The following RNASEH1 variants were observed in gnomAD, a reference collection of about 807,000 sequenced individuals.
The protein encoded by RNASEH1 is ribonuclease H type II.
A neutral mutation model predicts 34.6 loss-of-function variants in RNASEH1; 27 were observed. The observed-to-expected ratio is 0.78, with a 90% confidence interval of 0.58 to 1.08. RNASEH1 has a LOEUF of 1.08. Ranked by LOEUF, RNASEH1 falls within the 50% of genes least tolerant of loss-of-function variation. RNASEH1 has a pLI of 0.00. For missense variants in RNASEH1, 349 were observed against 373.6 expected (o/e 0.93, Z 0.54); for synonymous variants, 162 against 138.4 (o/e 1.17, Z -1.20).
intron 4 of RNASEH1, among the ~76,000 whole-genome samples, chr2:3,549,849 G>A (rs1262983528): frequency 6.6e-6 from 1 of 151,946 alleles, no homozygotes; most frequent in East Asian, 1.9e-4. Flanking sequence ...GGGAGGGTGA[G>A]GAAGGAGAAT....
intron 4 of RNASEH1, 52 bp from the exon 5 acceptor site, chr2:3,549,164 G>C (rs746560686): frequency 1.5e-6 from 2 of 1,334,288 alleles, no homozygotes; most frequent in Non-Finnish European, 2.2e-6. Flanking sequence ...AATTCTCAAA[G>C]TGATTCTTCT....
chr2:3,533,365 T>C, the RNASEH1 span: 1 of 152,326 alleles, frequency 6.6e-6, no homozygotes, highest in Non-Finnish European at 1.5e-5. Context: ...CCTGCAGCAC[T>C]GGCTGATTTC....
chr2:3,534,477 AAC>A, the RNASEH1 span, among the ~76,000 whole-genome samples: 9 of 152,226 alleles, frequency 5.9e-5, no homozygotes, highest in Non-Finnish European at 1.3e-4. Context: ...AGGTGGTGGG[AAC>A]GGTTGAGCTG....
intron 7 of RNASEH1, among the ~76,000 whole-genome samples, chr2:3,546,195 T>C (rs769824819): frequency 2.0e-5 from 3 of 152,230 alleles, no homozygotes; most frequent in Non-Finnish European, 2.9e-5. Context: ...TGGACGGATA[T>C]GTATGCAACA....
intron 3 of RNASEH1, among the ~76,000 whole-genome samples, chr2:3,550,763 T>C (rs1224004458): frequency 6.6e-5 from 10 of 152,178 alleles, no homozygotes; most frequent in Non-Finnish European, 1.3e-4. Context: ...CATCCCACAC[T>C]GTGGGTTCAG....
At chr2:3,540,240 T>C (rs1314839666), downstream of RNASEH1, among the ~76,000 whole-genome samples, 1 of 152,156 alleles carries the variant, frequency 6.6e-6, no homozygotes, top group African/African-American at 2.4e-5. Context: ...TTATATATCA[T>C]TGTTAAGTTT....
chr2:3,541,172 C>CA (rs1181755341), downstream of RNASEH1, among the ~76,000 whole-genome samples: 1 of 151,752 alleles, frequency 6.6e-6, no homozygotes, highest in African/African-American at 2.4e-5. Context: ...ACTAAAAATA[C>CA]AAAAAAATTA....
the RNASEH1 span, among the ~76,000 whole-genome samples, chr2:3,535,735 G>A: frequency 6.6e-6 from 1 of 152,198 alleles, no homozygotes; most frequent in Non-Finnish European, 1.5e-5. Context: ...GAGCACAGCA[G>A]CGACGTGATC....
rs534448325 is a variant in RNASEH1 at position 3,550,337 on chromosome 2, A to C, written c.509+36T>G. On this transcript the variant is annotated intron_variant, in intron 4 of 7. Transcript: ENST00000315212. ...GCCTCATCTTTTCACAAGTTGTGGA[A>C]CATGATTCAGTAAAACTCAGCTTCG... 14 of 1,485,734 alleles carry C rather than the reference A, an allele frequency of 9.4e-6. No homozygotes were observed. The African/African-American group carries it at 1.9e-4, about 21-fold the overall frequency. The allele number at this position is 1,485,734 out of a possible 1,614,324, so 92.0% of individuals were successfully genotyped here.
the RNASEH1 span, chr2:3,533,318 A>AT: frequency 6.6e-6 from 1 of 152,302 alleles, no homozygotes; most frequent in African/African-American, 2.4e-5. Flanking sequence ...GTGCTGGTCG[A>AT]TGTCTCACAG....
At chr2:3,534,261 G>C in the RNASEH1 span, 3 of 152,288 alleles carry the variant, frequency 2.0e-5, no homozygotes, top group Non-Finnish European at 2.9e-5. Context: ...GGGACCTGCA[G>C]AACAGTGGGT....
In RNASEH1 at chr2:3,547,523, C is replaced by T. The variant is rs541197371; in HGVS notation, c.774+408G>A. ...GAGACGGGGTCTTGGAGTCTCATAT[C>T]GTTGCTCAGGCTGGAGTGCAGTGGC... On this transcript the variant is annotated intron_variant, in intron 7 of 7. Transcript: ENST00000315212. 4.7e-5 allele frequency among the ~76,000 whole-genome samples: 7 copies of T among 148,750 alleles called. No homozygotes were observed. The South Asian group carries it at 6.4e-4, about 14-fold the overall frequency.
the RNASEH1 span, among the ~76,000 whole-genome samples, chr2:3,535,036 G>A: frequency 1.3e-5 from 2 of 152,176 alleles, no homozygotes; most frequent in African/African-American, 4.8e-5. Context: ...CTTCAGTCTG[G>A]GAAGATGAGA....
Position 3,548,069 on chromosome 2 carries a change from C to T in RNASEH1, c.650-14G>A, listed in dbSNP as rs757305011. 1.2e-5 allele frequency: 20 copies of T among 1,613,612 alleles called. No individual in the cohort carries two copies. The highest frequency in any genetic ancestry group is 1.2e-4 in the Admixed American group (7 of 59,996). ...AGTTAGTTATACCTACAAAAATGCA[C>T]GATCACTGGTGAGTCAATCTTGAGT... On this transcript the variant is annotated splice_polypyrimidine_tract_variant and intron_variant, in intron 6 of 7. Coordinates refer to ENST00000315212, the MANE Select transcript of RNASEH1 (RefSeq NM_002936.6).
the RNASEH1 span, chr2:3,533,324 C>T: frequency 6.6e-6 from 1 of 152,310 alleles, no homozygotes; most frequent in Non-Finnish European, 1.5e-5. Context: ...GTCGATGTCT[C>T]ACAGCAGCTC....
At chr2:3,539,545 G>A (rs571937479), downstream of RNASEH1, among the ~76,000 whole-genome samples, 17 of 152,212 alleles carry the variant, frequency 1.1e-4, no homozygotes, top group African/African-American at 3.6e-4. Flanking sequence ...CATAGTCAAC[G>A]CCTTCTGTGT....
chr2:3,553,948 G>C (rs2147765254), intron 2 of RNASEH1, among the ~76,000 whole-genome samples: 1 of 152,254 alleles, frequency 6.6e-6, no homozygotes, highest in African/African-American at 2.4e-5. Context: ...AAGGACACAG[G>C]AGCAACCAAC....
At chr2:3,555,165 C>G (rs1271136089) in intron 2 of RNASEH1, among the ~76,000 whole-genome samples, 2 of 152,202 alleles carry the variant, frequency 1.3e-5, no homozygotes, top group Non-Finnish European at 2.9e-5. Context: ...GATGTCTGTG[C>G]TCATCGGTCT....
intron 2 of RNASEH1, among the ~76,000 whole-genome samples, chr2:3,552,601 C>T (rs1207801923): frequency 7.4e-6 from 1 of 135,678 alleles, no homozygotes; most frequent in Non-Finnish European, 1.6e-5. Context: ...CACCCCCTCC[C>T]CTCCACACCA....
Sources: allele counts gnomAD v4.1 joint callset (sites outside exome capture counted in the v4.1 genomes callset), GRCh38; gene constraint gnomAD v4.1.1; transcripts MANE v1.5; gene names NCBI Gene and HGNC (gene_info 2026-07-23, HGNC 2026-07-21).